Variants in ANKRD17 observed in about 807,000 individuals in gnomAD.
ANKRD17 encodes ankyrin repeat domain 17, also known as ankyrin repeat domain-containing protein 17.
A neutral mutation model predicts 229.7 loss-of-function variants in ANKRD17; 19 were observed. That is an observed-to-expected ratio of 0.08 (90% CI 0.06 to 0.12). The LOEUF (loss-of-function observed/expected upper bound fraction) is 0.12, where lower values mean the gene tolerates loss of function less well. ANKRD17 is among the 10% of genes least tolerant of loss of function. The probability of loss-of-function intolerance (pLI) is 1.00; values close to 1 mark genes in which losing one functional copy is unlikely to be tolerated. For missense variants in ANKRD17, 2,176 were observed against 3,176.8 expected (o/e 0.68, Z 7.57); for synonymous variants, 1,112 against 1,146.1 (o/e 0.97, Z 0.60).
rs771392825 is a variant in ANKRD17, at chr4:73,098,323, T to C, written c.4771A>G (p.Ile1591Val). 13 of 1,614,232 alleles carry C rather than the reference T, an allele frequency of 8.1e-6. No individual in the cohort carries two copies. The East Asian group carries it at 1.1e-4, about 14-fold the overall frequency. ...ACCTTCTCTGGCTGACTGTATGAAA[T>C]TGGTAGTGGATCATCAAATATAATT... Reference protein sequence around the residue: ...VQIIFDDPLPISYSQPEKVNG... With the variant: ...VQIIFDDPLPVSYSQPEKVNG... Residue 1591 changes from isoleucine (I) to valine (V), a missense_variant, in exon 26 of 34, where the codon ATT (isoleucine) becomes GTT (valine). By Grantham distance (29) the Ile-to-Val change is conservative. Coordinates refer to ENST00000358602, the MANE Select transcript of ANKRD17 (RefSeq NM_032217.5).
Position 73,144,754 on chromosome 4 carries a change from T to C in ANKRD17, c.1948A>G (p.Ile650Val). Residue 650 changes from isoleucine to valine, a missense_variant, in exon 11 of 34, where the codon ATT (isoleucine) becomes GTT (valine). Coordinates refer to ENST00000358602, the MANE Select transcript of ANKRD17 (RefSeq NM_032217.5). ...AGHVCTVQFL[I>V]SKGANVNRTT... ...TTTTATACAAACCTACCTTTACTAA[T>C]TAAGAACTGAACAGTACAAACATGA... is the stretch of plus-strand genomic sequence containing the variant. 6.4e-7 allele frequency: 1 copy of C among 1,566,102 alleles called. No homozygotes were observed. Among genetic ancestry groups the C allele is most frequent in the Non-Finnish European group, 8.6e-7 (1 of 1,159,656 alleles).
Position 73,135,229 on chromosome 4 carries a change from G to A in ANKRD17, c.3122C>T (p.Pro1041Leu), listed in dbSNP as rs1487311276. The A allele has an allele frequency of 6.2e-7, 1 of 1,613,610 alleles. No homozygotes were observed. Among genetic ancestry groups the A allele is most frequent in the Admixed American group, 1.7e-5 (1 of 59,984 alleles). Residue 1041 changes from proline (P) to leucine (L), a missense_variant, in exon 16 of 34, where the codon CCT (proline) becomes CTT (leucine). Physicochemically the swap from Pro to Leu is moderately conservative, Grantham distance 98 (BLOSUM62 -3). This residue lies in a region of ANKRD17 where 230 missense variants were observed against 252.3 expected (regional missense o/e 0.91). Transcript: ENST00000358602. The stretch of plus-strand genomic sequence containing the variant: ...AATGGATGCAGCAATACTGTGGGTA[G>A]GAGTGTTTGACATTGCAGATGCTCT... ...SGRASAMSNT[P>L]THSIAASISQ...
chr4:73,119,352 G>A (rs753123674), intron 21 of ANKRD17, among the ~76,000 whole-genome samples: 23 of 152,040 alleles, frequency 1.5e-4, no homozygotes, highest in East Asian at 1.9e-4. Flanking sequence ...AACTGTAACC[G>A]TTTCAGATTA....
intron 1 of ANKRD17, among the ~76,000 whole-genome samples, chr4:73,249,791 G>A (rs1744823348): frequency 6.6e-6 from 1 of 152,250 alleles, no homozygotes; most frequent in Non-Finnish European, 1.5e-5. Context: ...GGAATGCGGA[G>A]GTTGCAGTGA....
Position 73,076,972 on chromosome 4 carries a change from A to C in ANKRD17, c.7720T>G (p.Ser2574Ala), listed in dbSNP as rs1721066629. 6.2e-7 allele frequency: 1 copy of C among 1,612,888 alleles called. No homozygotes were observed. Among genetic ancestry groups the C allele is most frequent in the South Asian group, 1.1e-5 (1 of 90,744 alleles). Residue 2574 changes from serine (S) to alanine (A), a missense_variant, in exon 33 of 34, where the codon TCC becomes GCC. Physicochemically the swap from Ser to Ala is moderately conservative, Grantham distance 99. Transcript: ENST00000358602. ...GGGCCATTATTTTCCGTGGAGCTGG[A>C]AACCATCTTTATCAGTGAGTTCCAA... ...PSWNSLIKMV[S>A]SSTENNGPQT...
intron 1 of ANKRD17, among the ~76,000 whole-genome samples, chr4:73,220,455 A>C (rs971468859): frequency 1.2e-4 from 19 of 152,106 alleles, no homozygotes; most frequent in African/African-American, 4.6e-4. Context: ...GTTGAAATCC[A>C]CCTTTTCTAA....
chr4:73,084,345 T>TA (rs1378140879), intron 30 of ANKRD17, among the ~76,000 whole-genome samples: 1 of 150,722 alleles, frequency 6.6e-6, no homozygotes, highest in Non-Finnish European at 1.5e-5. Context: ...CCATTTCAAA[T>TA]AAAAAAAAGA....
intron 1 of ANKRD17, among the ~76,000 whole-genome samples, chr4:73,207,025 T>C (rs993233799): frequency 5.9e-5 from 9 of 152,154 alleles, no homozygotes. Flanking sequence ...GGTTTCGCCA[T>C]GTTGGCCAGG....
intron 1 of ANKRD17, among the ~76,000 whole-genome samples, chr4:73,216,959 T>C (rs1188097480): frequency 6.6e-6 from 1 of 152,172 alleles, no homozygotes; most frequent in Non-Finnish European, 1.5e-5. Flanking sequence ...AAACCAATGG[T>C]TAACAAGACT....
chr4:73,076,039 G>A lies in ANKRD17; in HGVS notation c.*192C>T, dbSNP rs111440861. 33 of 451,730 alleles carry A rather than the reference G, an allele frequency of 7.3e-5. No individual in the cohort carries two copies. The highest frequency in any genetic ancestry group is 3.7e-4 in the African/African-American group (18 of 49,092). 28.0% of individuals were successfully genotyped at this position (451,730 alleles called of 1,614,324 possible). A position where few individuals can be genotyped will look rare whatever the true frequency, so the allele number is the denominator to read the frequency against. ...AGAAAAATGCTAACTAAGGTAAAAC[G>A]GATGATGATGGGGAATGGGCAGTCA... On this transcript the variant is annotated 3_prime_UTR_variant, in exon 34 of 34. Coordinates refer to ENST00000358602, the MANE Select transcript of ANKRD17 (RefSeq NM_032217.5).
At chr4:73,103,091 G>C (rs1209240604) in intron 24 of ANKRD17, among the ~76,000 whole-genome samples, 1 of 151,842 alleles carries the variant, frequency 6.6e-6, no homozygotes, top group Non-Finnish European at 1.5e-5. Context: ...ATGGAAACAA[G>C]GTAAGTCTGT....
At chr4:73,154,998 G>A (rs890017673) in intron 5 of ANKRD17, among the ~76,000 whole-genome samples, 8 of 147,450 alleles carry the variant, frequency 5.4e-5, no homozygotes, top group Admixed American at 1.4e-4. Context: ...CCGAGATCCC[G>A]CCACTGCACT....
intron 16 of ANKRD17, among the ~76,000 whole-genome samples, chr4:73,126,196 T>C (rs931294616): frequency 3.9e-5 from 6 of 152,262 alleles, no homozygotes; most frequent in African/African-American, 1.4e-4. Context: ...AAGGGTACTC[T>C]GGAGATGTGC....
At chr4:73,115,671 G>T in intron 23 of ANKRD17, 150 bp downstream of exon 23, 1 of 541,778 alleles carries the variant, frequency 1.8e-6, no homozygotes, top group South Asian at 3.1e-5. Context: ...TAATCTGCAA[G>T]AATCTCTTAA....
intron 29 of ANKRD17, 38 bp from the exon 30 acceptor site, chr4:73,085,484 C>T (rs777865845): frequency 5.9e-6 from 9 of 1,534,528 alleles, no homozygotes; most frequent in Middle Eastern, 3.5e-4. Context: ...ATAATAGTTA[C>T]TCCTGCAAGA....
rs758207332 is a variant in ANKRD17 at position 73,140,296 on chromosome 4, G to C, written c.2333-13C>G. On this transcript the variant is annotated splice_polypyrimidine_tract_variant and intron_variant, in intron 14 of 33. Transcript: ENST00000358602. ...TGTTTAGAAGCAGCTGTGTGAAAAA[G>C]AAACCCCCTCAGAAGTGCACATGAA... 1.3e-6 allele frequency: 2 copies of C among 1,568,308 alleles called. No individual in the cohort carries two copies. Among genetic ancestry groups the C allele is most frequent in the South Asian group, 2.4e-5 (2 of 82,182 alleles).
chr4:73,218,790 G>A (rs1741458769), intron 1 of ANKRD17, among the ~76,000 whole-genome samples: 1 of 152,050 alleles, frequency 6.6e-6, no homozygotes, highest in Non-Finnish European at 1.5e-5. Flanking sequence ...CTCAATAAAT[G>A]CAGTGGCTCA....
At chr4:73,079,896 TG>T (rs1721381187) in intron 30 of ANKRD17, among the ~76,000 whole-genome samples, 2 of 151,834 alleles carry the variant, frequency 1.3e-5, no homozygotes, top group Admixed American at 1.3e-4. Flanking sequence ...GGGCGGATCA[TG>T]GGATCAGGAG....
chr4:73,118,583 T>C, intron 22 of ANKRD17, 105 bp downstream of exon 22: 3 of 1,268,134 alleles, frequency 2.4e-6, no homozygotes, highest in South Asian at 2.8e-5. Flanking sequence ...ATTGCTTTCA[T>C]CACAGCTGCA....
Sources: allele counts gnomAD v4.1 joint callset (sites outside exome capture counted in the v4.1 genomes callset), GRCh38; gene constraint gnomAD v4.1.1; regional missense constraint gnomAD v4.1.1; transcripts MANE v1.5; gene names NCBI Gene and HGNC (gene_info 2026-07-23, HGNC 2026-07-21).